Variants in PPL observed in about 807,000 individuals in gnomAD.
The protein encoded by PPL is periplakin.
PPL carries 198 observed loss-of-function variants against 194.4 expected under a neutral mutation model. That is an observed-to-expected ratio of 1.02 (90% CI 0.91 to 1.15). The LOEUF is 1.15. PPL is among the 50% of genes most tolerant of loss of function. The probability of loss-of-function intolerance (pLI) is 0.00; values close to 1 mark genes in which losing one functional copy is unlikely to be tolerated. For synonymous variants in PPL, 1,220 were observed against 972.4 expected, an observed-to-expected ratio of 1.25 and a Z score of -4.74; for missense variants, 2,885 against 2,294.8, an observed-to-expected ratio of 1.26 and a Z score of -5.25.
intron 21 of PPL, among the ~76,000 whole-genome samples, 187 bp from the exon 22 acceptor site, chr16:4,886,234 A>T (rs1450041564): frequency 2.7e-5 from 4 of 149,918 alleles, no homozygotes; most frequent in Non-Finnish European, 5.9e-5. Context: ...GGTTTTTTTT[A>T]ATCAGGTAAA....
At chr16:4,900,045 G>A (rs937209525) in intron 6 of PPL, among the ~76,000 whole-genome samples, 1 of 152,144 alleles carries the variant, frequency 6.6e-6, no homozygotes, top group Non-Finnish European at 1.5e-5. Flanking sequence ...GAGGCTCCCG[G>A]AGGCTAAGTA....
chr16:4,884,865 T>C lies in PPL; in HGVS notation c.3790A>G (p.Arg1264Gly). 3.7e-6 allele frequency: 6 copies of C among 1,614,132 alleles called. No homozygotes were observed. Among genetic ancestry groups the C allele is most frequent in the Non-Finnish European group, 4.2e-6 (5 of 1,180,018 alleles). The change falls in exon 22 of 22, where the codon AGG (arginine) becomes GGG (glycine). Residue 1264 changes from arginine to glycine, a missense_variant. Transcript: ENST00000345988. The surrounding 1 kb of genome is among the most constrained non-coding windows in gnomAD (Gnocchi z 5.7). Reference protein sequence around the residue: ...EIVDKTRLIERCDLEIYQLKK... With the variant: ...EIVDKTRLIEGCDLEIYQLKK... ...AGCTGGTAGATCTCTAAATCACACCTTTCGATCAGTCTGGTCTTGTCCACG... is the reference window on the plus strand; with the variant it reads ...AGCTGGTAGATCTCTAAATCACACCCTTCGATCAGTCTGGTCTTGTCCACG...
intron 1 of PPL, among the ~76,000 whole-genome samples, chr16:4,918,970 AGCCCCACTGATGGAG>A (rs1403527638): frequency 6.6e-6 from 1 of 152,160 alleles, no homozygotes; most frequent in Non-Finnish European, 1.5e-5. Context: ...CTGGGCCATC[AGCCCCACTGATGGAG>A]GCCGAGACAC....
intron 1 of PPL, among the ~76,000 whole-genome samples, chr16:4,920,672 G>A (rs1302971632): frequency 5.3e-5 from 8 of 152,098 alleles, no homozygotes; most frequent in African/African-American, 1.7e-4. Context: ...CATGTTAGCC[G>A]GGGTGGTCTT....
intron 1 of PPL, among the ~76,000 whole-genome samples, chr16:4,913,904 C>A (rs1019296991): frequency 4.6e-5 from 7 of 152,156 alleles, no homozygotes; most frequent in African/African-American, 1.7e-4. Flanking sequence ...CAAAGACAAG[C>A]CTCTCCCTCC....
Position 4,893,545 on chromosome 16 carries a change from G to T in PPL, c.1488C>A (p.Pro496=), listed in dbSNP as rs144963342. 2.5e-6 allele frequency: 4 copies of T among 1,612,368 alleles called. No homozygotes were observed. The South Asian group carries it at 4.4e-5, about 18-fold the overall frequency. The change falls in exon 13 of 22, where the codon CCC becomes CCA. Residue 496 remains proline (P), a synonymous_variant. Coordinates refer to ENST00000345988, the MANE Select transcript of PPL (RefSeq NM_002705.5). The stretch of plus-strand genomic sequence containing the variant: ...GCGAGTGGCCCTGGCACCCACCTCC[G>T]GGATTCTCGGTCTTCAGCACCTCAT... ...QRYEVLKTEN[P]GDASDLQGRQ...
rs1745133581 is a variant in PPL at position 4,884,351 on chromosome 16, GCTT to G, written c.4301_4303del (p.Glu1434del). 1.2e-6 allele frequency: 2 copies of G among 1,612,432 alleles called. No homozygotes were observed. The highest frequency in any genetic ancestry group is 1.7e-6 in the Non-Finnish European group (2 of 1,179,688). Reference sequence around the variant, plus strand: ...ATGGGTTACCTTCTCACGGGCCTCAGCTTCTTCCTGCTCCAGCGCTGCCAGCCG... The same window carrying G: ...ATGGGTTACCTTCTCACGGGCCTCAGCTTCCTGCTCCAGCGCTGCCAGCCG... On this transcript the variant is annotated inframe_deletion, in exon 22 of 22. Transcript: ENST00000345988. The surrounding 1 kb of genome is among the most constrained non-coding windows in gnomAD (Gnocchi z 5.7).
At chr16:4,895,434 G>A in intron 10 of PPL, 27 bp from the exon 11 acceptor site, 3 of 1,609,634 alleles carry the variant, frequency 1.9e-6, no homozygotes, top group South Asian at 1.1e-5. Flanking sequence ...CAGGGGCCCA[G>A]GTGAGACCAA....
rs1357783194 is a variant in PPL, at chr16:4,889,257, T to G, written c.2314-196A>C. ...GTTGTTGTTGTTTTTTTTTTTTTTTTTTTTTTTTTTTTTTTTTGAGACAGT... is the reference window on the plus strand; with the variant it reads ...GTTGTTGTTGTTTTTTTTTTTTTTTGTTTTTTTTTTTTTTTTTGAGACAGT... On this transcript the variant is annotated intron_variant, in intron 18 of 21. Transcript: ENST00000345988. 1.2e-4 allele frequency among the ~76,000 whole-genome samples: 15 copies of G among 125,526 alleles called. 1 individual carries two copies. Among genetic ancestry groups the G allele is most frequent in the South Asian group, 3.0e-4 (1 of 3,290 alleles). 82.3% of individuals were successfully genotyped at this position (125,526 alleles called of 152,430 possible).
At position 4,894,522 on chromosome 16, in the gene PPL, C is replaced by T. The variant is rs1220869662; in HGVS notation, c.1339G>A (p.Ala447Thr). Residue 447 changes from alanine to threonine, a missense_variant, in exon 12 of 22, where the codon GCC becomes ACC. Transcript: ENST00000345988. ...GTGGGGGGGATCACAAAACACACGG[C>T]CGGAGCAATCAGCTTGTTCCCAGCG... is the stretch of plus-strand genomic sequence containing the variant. ...DSAGNKLIAP[A>T]VCFVIPPTDP... 3 of 1,613,934 alleles carry T rather than the reference C, an allele frequency of 1.9e-6. No homozygotes were observed. The highest frequency in any genetic ancestry group is 2.5e-6 in the Non-Finnish European group (3 of 1,179,972).
chr16:4,884,541 C>T lies in PPL; in HGVS notation c.4114G>A (p.Ala1372Thr), dbSNP rs144840652. 1 of 1,613,186 alleles carries T rather than the reference C, an allele frequency of 6.2e-7. No individual in the cohort carries two copies. ...CGCAGCTCCACATCGATGCTCTCGG[C>T]AAAGGCGCTCGCCTCGGCCCGCAGG... ...PGLRAEASAFAESIDVELRQI... is the reference protein window; with the variant it reads ...PGLRAEASAFTESIDVELRQI... Residue 1372 changes from alanine to threonine, a missense_variant, in exon 22 of 22, where the codon GCC becomes ACC. By Grantham distance (58) the Ala-to-Thr change is moderately conservative (BLOSUM62 0). Transcript: ENST00000345988. The surrounding 1 kb of genome is among the most constrained non-coding windows in gnomAD (Gnocchi z 5.7).
intron 1 of PPL, among the ~76,000 whole-genome samples, chr16:4,931,398 G>A (rs569745918): frequency 2.5e-4 from 38 of 152,116 alleles, no homozygotes; most frequent in Non-Finnish European, 4.3e-4. Flanking sequence ...AAAAAAATAG[G>A]TTGGGGTAGG....
In PPL at chr16:4,910,882, T is replaced by G. The variant is rs774585405; in HGVS notation, c.130A>C (p.Asn44His). ...LQKNADQVEK[N>H]IVDTEAKMQS... Reference sequence around the variant, plus strand: ...ATCTTGGCCTCTGTGTCCACGATGTTCTTCTCCACCTGGTCGGCATTCTTC... The same window carrying G: ...ATCTTGGCCTCTGTGTCCACGATGTGCTTCTCCACCTGGTCGGCATTCTTC... The change falls in exon 2 of 22, where the codon AAC (asparagine) becomes CAC (histidine). Residue 44 changes from asparagine to histidine, a missense_variant. Coordinates refer to ENST00000345988, the MANE Select transcript of PPL (RefSeq NM_002705.5). The G allele has an allele frequency of 1.5e-5, 24 of 1,613,866 alleles. No homozygotes were observed. In the South Asian group the frequency reaches 2.5e-4, roughly 17 times the overall value.
In PPL at chr16:4,917,756, G is replaced by A. The variant is rs958921167; in HGVS notation, c.63-6807C>T. ...TGTCTACTGAAAATACAAAAAATTA[G>A]CTGGGCATGGTGATGCACACCTGTA... On this transcript the variant is annotated intron_variant, in intron 1 of 21. Coordinates refer to ENST00000345988, the MANE Select transcript of PPL (RefSeq NM_002705.5). Among the ~76,000 whole-genome samples the A allele has an allele frequency of 2.0e-5, 3 of 151,944 alleles. No individual in the cohort carries two copies. The South Asian group carries it at 6.2e-4, about 32-fold the overall frequency.
rs35869286 is a variant in PPL at position 4,885,984 on chromosome 16, C to G, written c.2671G>C (p.Glu891Gln). The change falls in exon 22 of 22, where the codon GAG becomes CAG. Residue 891 changes from glutamate (E) to glutamine (Q), a missense_variant. Glu to Gln is a conservative substitution (Grantham distance 29, BLOSUM62 2). Coordinates refer to ENST00000345988, the MANE Select transcript of PPL (RefSeq NM_002705.5). The surrounding 1 kb of genome is among the most constrained non-coding windows in gnomAD (Gnocchi z 6.3). ...QRNRPDSGVEEAWKIRKELDE... is the reference protein window; with the variant it reads ...QRNRPDSGVEQAWKIRKELDE... ...AGTTCCTTCCTGATCTTCCACGCCT[C>G]CTCCACTCCAGAGTCCGGCCTATTC... The G allele has an allele frequency of 0.066, 106,853 of 1,613,922 alleles. 3,822 individuals carry two copies. The highest frequency in any genetic ancestry group is 0.074 in the Non-Finnish European group (87,247 of 1,180,030).
At position 4,893,537 on chromosome 16, in the gene PPL, C is replaced by T. The variant is rs2088360849; in HGVS notation, c.1492+4G>A. On this transcript the variant is annotated splice_donor_region_variant and intron_variant, in intron 13 of 21. Coordinates refer to ENST00000345988, the MANE Select transcript of PPL (RefSeq NM_002705.5). ...AGCCTCAGGCGAGTGGCCCTGGCAC[C>T]CACCTCCGGGATTCTCGGTCTTCAG... is the stretch of plus-strand genomic sequence containing the variant. 6.2e-7 allele frequency: 1 copy of T among 1,612,064 alleles called. No individual in the cohort carries two copies. Among genetic ancestry groups the T allele is most frequent in the African/African-American group, 1.3e-5 (1 of 74,900 alleles).
chr16:4,889,449 T>C (rs1181516599), intron 18 of PPL, among the ~76,000 whole-genome samples: 1 of 151,648 alleles, frequency 6.6e-6, no homozygotes, highest in Non-Finnish European at 1.5e-5. Context: ...AGTAGAGATT[T>C]GGTTTCATTA....
chr16:4,920,286 A>AAAAG (rs1301814912), intron 1 of PPL, among the ~76,000 whole-genome samples: 1 of 113,780 alleles, frequency 8.8e-6, no homozygotes, highest in African/African-American at 2.9e-5. Context: ...CTGTCTCAAA[A>AAAAG]AAAGAAAGAA....
rs149927661 is a variant in PPL at position 4,930,383 on chromosome 16, C to T, written c.62+6601G>A. ...CAGGGCAGGGGGCAGCCTGCTCAGG[C>T]CTCGCACTCCTTTCCACTAGCTGGA... On this transcript the variant is annotated intron_variant, in intron 1 of 21. Coordinates refer to ENST00000345988, the MANE Select transcript of PPL (RefSeq NM_002705.5). 2.0e-5 allele frequency among the ~76,000 whole-genome samples: 3 copies of T among 152,316 alleles called. No individual in the cohort carries two copies. The East Asian group carries it at 5.8e-4, about 29-fold the overall frequency.
Sources: gnomAD v4.1 joint callset for allele counts (sites outside exome capture counted in the v4.1 genomes callset) on GRCh38, gnomAD v4.1.1 for gene constraint, Gnocchi (gnomAD v3.1) non-coding constraint, MANE v1.5 for transcripts, NCBI Gene and HGNC (gene_info 2026-07-23, HGNC 2026-07-21) for gene names.